OSTN: variants seen among roughly 807,000 people sequenced by gnomAD.
OSTN encodes the protein osteocrin.
A neutral mutation model predicts 12.0 loss-of-function variants in OSTN; 9 were observed. The observed-to-expected ratio is 0.75, with a 90% confidence interval of 0.45 to 1.30. OSTN has a LOEUF of 1.30. Ranked by LOEUF, OSTN falls within the 50% of genes most tolerant of loss-of-function variation. The pLI is 0.00. For missense variants in OSTN, 148 were observed against 152.3 expected (o/e 0.97, Z 0.15); for synonymous variants, 59 against 56.9 (o/e 1.04, Z -0.16).
intron 3 of OSTN, among the ~76,000 whole-genome samples, chr3:191,226,122 G>T (rs1035469017): frequency 1.3e-5 from 2 of 151,954 alleles, no homozygotes; most frequent in African/African-American, 4.8e-5. Flanking sequence ...TATGAATATC[G>T]AGACAAAAGT....
At chr3:191,244,287 A>G (rs1715383318) in intron 3 of OSTN, among the ~76,000 whole-genome samples, 1 of 152,086 alleles carries the variant, frequency 6.6e-6, no homozygotes, top group South Asian at 2.1e-4. Context: ...TCGTGTGAAA[A>G]TTAGTTTCAT....
At chr3:191,226,764 A>T (rs1714921461) in intron 3 of OSTN, among the ~76,000 whole-genome samples, 2 of 152,222 alleles carry the variant, frequency 1.3e-5, no homozygotes. Context: ...GTAGCATCTC[A>T]TATTAGTAAG....
chr3:191,213,410 C>A (rs923600701), intron 2 of OSTN: 1 of 151,918 alleles, frequency 6.6e-6, no homozygotes, highest in African/African-American at 2.4e-5. Flanking sequence ...GTTATCTAAA[C>A]GTGGAAAGAA....
chr3:191,230,336 C>G (rs1295526093), intron 3 of OSTN, among the ~76,000 whole-genome samples: 2 of 151,602 alleles, frequency 1.3e-5, no homozygotes, highest in African/African-American at 4.8e-5. Flanking sequence ...TAGGCAGAGG[C>G]GGGCAGATCA....
intron 4 of OSTN, among the ~76,000 whole-genome samples, chr3:191,257,917 T>C (rs561767055): frequency 3.3e-5 from 5 of 152,238 alleles, no homozygotes; most frequent in Non-Finnish European, 5.9e-5. Flanking sequence ...TACATATACA[T>C]GTATGTATAG....
At chr3:191,232,418 T>C (rs1715081821) in intron 3 of OSTN, among the ~76,000 whole-genome samples, 1 of 149,658 alleles carries the variant, frequency 6.7e-6, no homozygotes, top group Admixed American at 6.7e-5. Flanking sequence ...AATTAAAATG[T>C]GCTTTGAAAG....
At chr3:191,222,198 G>A (rs930827669) in intron 3 of OSTN, among the ~76,000 whole-genome samples, 1 of 152,196 alleles carries the variant, frequency 6.6e-6, no homozygotes, top group African/African-American at 2.4e-5. Context: ...TTTTGGGTTG[G>A]AGCTCCCACA....
intron 4 of OSTN, among the ~76,000 whole-genome samples, chr3:191,257,373 A>T (rs1715697304): frequency 6.6e-6 from 1 of 152,084 alleles, no homozygotes. Flanking sequence ...TTAGTAAAAA[A>T]TCTAGGAAGT....
rs1715524484 is a variant in OSTN, at chr3:191,250,045, T to C, written c.326T>C (p.Val109Ala). The C allele has an allele frequency of 1.2e-6, 2 of 1,613,064 alleles. No homozygotes were observed. The highest frequency in any genetic ancestry group is 1.1e-5 in the South Asian group (1 of 91,064). Reference protein sequence around the residue: ...VDHKGKQRKVVDHPKRRFGIP... With the variant: ...VDHKGKQRKVADHPKRRFGIP... ...TCCTTGGTTTGTTTCAGGAAAGTAG[T>C]AGATCATCCAAAAAGGCGATTTGGT... The change falls in exon 4 of 5, where the codon GTA (valine) becomes GCA (alanine). Residue 109 changes from valine to alanine, a missense_variant. Transcript: ENST00000682035.
chr3:191,221,919 C>T (rs1714775796), intron 3 of OSTN, among the ~76,000 whole-genome samples: 1 of 151,786 alleles, frequency 6.6e-6, no homozygotes, highest in Non-Finnish European at 1.5e-5. Context: ...GGAACCTGCA[C>T]TTGGTAACCT....
intron 3 of OSTN, among the ~76,000 whole-genome samples, chr3:191,238,619 T>C (rs1358367852): frequency 1.3e-5 from 2 of 152,240 alleles, no homozygotes; most frequent in African/African-American, 4.8e-5. Context: ...GTTCCCGAAC[T>C]TAACTTTCCC....
intron 2 of OSTN, among the ~76,000 whole-genome samples, chr3:191,218,437 C>A (rs1301897237): frequency 6.6e-6 from 1 of 152,124 alleles, no homozygotes; most frequent in Non-Finnish European, 1.5e-5. Flanking sequence ...GCCTGGCCAA[C>A]ATGGTGAAAC....
chr3:191,214,116 T>G lies in OSTN; in HGVS notation c.102+1482T>G, dbSNP rs569984649. Among the ~76,000 whole-genome samples, 63 of 152,172 alleles carry G rather than the reference T, an allele frequency of 4.1e-4. 1 individual carries two copies. In the South Asian group the frequency reaches 0.012, roughly 29 times the overall value. ...GGGATAACTAACTTTATAACAGTAT[T>G]ATGGGTGAAATAGAGAAGAGAGAGA... is the stretch of plus-strand genomic sequence containing the variant. On this transcript the variant is annotated intron_variant, in intron 2 of 4. Coordinates refer to ENST00000682035, the MANE Select transcript of OSTN (RefSeq NM_198184.2).
chr3:191,237,797 G>T (rs1045438927), intron 3 of OSTN, among the ~76,000 whole-genome samples: 3 of 152,188 alleles, frequency 2.0e-5, no homozygotes, highest in African/African-American at 7.2e-5. Flanking sequence ...GAGAGGCAGT[G>T]TGACAAATGC....
chr3:191,241,830 C>T (rs532035718), intron 3 of OSTN, among the ~76,000 whole-genome samples: 214 of 152,018 alleles, frequency 1.4e-3, no homozygotes, highest in Non-Finnish European at 2.3e-3. Flanking sequence ...AAATAAATAA[C>T]AGAAGGATAA....
At chr3:191,200,560 T>C (rs1714129462) in intron 1 of OSTN, among the ~76,000 whole-genome samples, 1 of 152,214 alleles carries the variant, frequency 6.6e-6, no homozygotes, top group East Asian at 1.9e-4. Context: ...AATATATCAT[T>C]CTAGCTCTGC....
In OSTN at chr3:191,265,244, A is replaced by G. The variant is rs565811075; in HGVS notation, c.*2391A>G. 228 of 152,318 alleles carry G rather than the reference A, an allele frequency of 1.5e-3. 1 individual carries two copies. The highest frequency in any genetic ancestry group is 5.2e-3 in the African/African-American group (217 of 41,570). 9.4% of individuals were successfully genotyped at this position (152,318 alleles called of 1,614,324 possible). A position where few individuals can be genotyped will look rare whatever the true frequency, so the allele number is the denominator to read the frequency against. Reference sequence around the variant, plus strand: ...GAAGGGACTTTTTTGTTTTGTTTCAAAATAATGCATTACTTTTTTCTCTTT... The same window carrying G: ...GAAGGGACTTTTTTGTTTTGTTTCAGAATAATGCATTACTTTTTTCTCTTT... On this transcript the variant is annotated 3_prime_UTR_variant, in exon 5 of 5. Coordinates refer to ENST00000682035, the MANE Select transcript of OSTN (RefSeq NM_198184.2).
intron 3 of OSTN, among the ~76,000 whole-genome samples, chr3:191,230,259 G>A (rs921821262): frequency 2.6e-5 from 4 of 151,824 alleles, no homozygotes; most frequent in Non-Finnish European, 4.4e-5. Flanking sequence ...TGGCTTAGGG[G>A]CTTAAACATT....
At chr3:191,231,980 A>G (rs1715068624) in intron 3 of OSTN, among the ~76,000 whole-genome samples, 1 of 151,992 alleles carries the variant, frequency 6.6e-6, no homozygotes, top group Admixed American at 6.5e-5. Flanking sequence ...TATACATAAA[A>G]TATTTTAAAT....
Sources: gnomAD v4.1 joint callset for allele counts (sites outside exome capture counted in the v4.1 genomes callset) on GRCh38, gnomAD v4.1.1 for gene constraint, MANE v1.5 for transcripts, NCBI Gene and HGNC (gene_info 2026-07-23, HGNC 2026-07-21) for gene names.